Variants in COPB2 observed in about 807,000 individuals in gnomAD.
The protein encoded by COPB2 is coat protein complex I subunit beta 2, also known as coatomer subunit beta'.
In COPB2, 16 loss-of-function variants were observed where a neutral mutation model predicts 120.8. That is an observed-to-expected ratio of 0.13 (90% CI 0.09 to 0.20). COPB2 has a LOEUF of 0.20. Among genes scored for constraint, COPB2 ranks in the 10% least tolerant of loss-of-function variants. The pLI is 1.00. For synonymous variants in COPB2, 332 were observed against 366.3 expected (o/e 0.91, Z 1.07); for missense variants, 794 against 1,076.5 (o/e 0.74, Z 3.67).
intron 9 of COPB2, among the ~76,000 whole-genome samples, chr3:139,372,244 A>G (rs1941636419): frequency 6.6e-6 from 1 of 152,238 alleles, no homozygotes; most frequent in African/African-American, 2.4e-5. Context: ...TACAAAGACT[A>G]TCTTCATTTT....
At chr3:139,385,338 A>G (rs1056348583) in intron 1 of COPB2, 15 of 152,340 alleles carry the variant, frequency 9.8e-5, no homozygotes, top group South Asian at 6.2e-4. Flanking sequence ...CACCCGGCCA[A>G]TGAATTTTAA....
chr3:139,387,394 G>A (rs941287141), intron 1 of COPB2, among the ~76,000 whole-genome samples: 39 of 152,178 alleles, frequency 2.6e-4, no homozygotes, highest in Admixed American at 9.8e-4. Context: ...AGATGATTAG[G>A]ATGCTCACAC....
chr3:139,381,181 C>T (rs1341550431), intron 2 of COPB2: 1 of 152,176 alleles, frequency 6.6e-6, no homozygotes, highest in African/African-American at 2.4e-5. Context: ...AGAGGCTCAG[C>T]ATGGTTAAAA....
chr3:139,375,218 T>C (rs1325031717), intron 6 of COPB2, among the ~76,000 whole-genome samples: 1 of 152,210 alleles, frequency 6.6e-6, no homozygotes, highest in African/African-American at 2.4e-5. Context: ...TAATTCAACA[T>C]TAAAATGTTA....
At chr3:139,374,665 C>T (rs1445199345) in intron 6 of COPB2, 77 bp from the exon 7 acceptor site, 1 of 1,120,012 alleles carries the variant, frequency 8.9e-7, no homozygotes, top group Non-Finnish European at 1.3e-6. Flanking sequence ...TCTCAGTGTA[C>T]AGATACATTA....
chr3:139,376,395 T>A (rs922060080), intron 5 of COPB2, among the ~76,000 whole-genome samples: 1 of 152,224 alleles, frequency 6.6e-6, no homozygotes, highest in Non-Finnish European at 1.5e-5. Context: ...ATTTATTGAG[T>A]GCCTATTATA....
In COPB2 at chr3:139,366,740, T is replaced by C. The variant is rs1374115273; in HGVS notation, c.1712A>G (p.Asn571Ser). 6.2e-7 allele frequency: 1 copy of C among 1,614,074 alleles called. No homozygotes were observed. The highest frequency in any genetic ancestry group is 8.5e-7 in the Non-Finnish European group (1 of 1,179,964). The change falls in exon 15 of 22, where the codon AAC becomes AGC. Residue 571 changes from asparagine (N) to serine (S), a missense_variant. By Grantham distance (46) the Asn-to-Ser change is conservative. Coordinates refer to ENST00000333188, the MANE Select transcript of COPB2 (RefSeq NM_004766.3). ...TTCTTTATCCCCCAGATAAAGCCTG[T>C]TGTCTTTAGGAATGTAGCCTAGGAG... is the stretch of plus-strand genomic sequence containing the variant. Reference protein sequence around the residue: ...MYLLGYIPKDNRLYLGDKELN... With the variant: ...MYLLGYIPKDSRLYLGDKELN...
In COPB2 at chr3:139,357,960, T is replaced by C; in HGVS notation, c.2626-2A>G. 6.4e-7 allele frequency: 1 copy of C among 1,559,768 alleles called. No individual in the cohort carries two copies. The highest frequency in any genetic ancestry group is 8.8e-7 in the Non-Finnish European group (1 of 1,136,886). ...ATCTACTTCTAGTTCGAGTAAACTCTGCAGACAAAAGGAAGAGGGTAATTA... is the reference window on the plus strand; with the variant it reads ...ATCTACTTCTAGTTCGAGTAAACTCCGCAGACAAAAGGAAGAGGGTAATTA... On this transcript the variant is annotated splice_acceptor_variant, in intron 21 of 21. Coordinates refer to ENST00000333188, the MANE Select transcript of COPB2 (RefSeq NM_004766.3). LOFTEE classifies it high-confidence loss of function.
intron 10 of COPB2, among the ~76,000 whole-genome samples, chr3:139,369,961 C>T (rs1941591108): frequency 6.6e-6 from 1 of 152,190 alleles, no homozygotes; most frequent in East Asian, 1.9e-4. Flanking sequence ...AGAGTACATA[C>T]TGTATGATTC....
Position 139,371,814 on chromosome 3 carries a change from C to T in COPB2, c.1114G>A (p.Asp372Asn). 6.2e-7 allele frequency: 1 copy of T among 1,613,760 alleles called. No individual in the cohort carries two copies. ...GCTGTGTAGATGATATACTCCCCAT[C>T]ACCACACACCACCACAAACCTAGAA... ...PNGRFVVVCG[D>N]GEYIIYTAMA... is the part of the protein sequence containing the mutation. Residue 372 changes from aspartate (D) to asparagine (N), a missense_variant, in exon 10 of 22, where the codon GAT (aspartate) becomes AAT (asparagine). Transcript: ENST00000333188.
intron 2 of COPB2, 165 bp from the exon 3 acceptor site, chr3:139,379,631 T>A: frequency 1.7e-6 from 1 of 580,132 alleles, no homozygotes; most frequent in Non-Finnish European, 3.0e-6. Context: ...AAAGACCAAC[T>A]ATCTTTTAAT....
chr3:139,366,978 T>G (rs1291007752), intron 14 of COPB2, 37 bp downstream of exon 14: 1 of 1,588,762 alleles, frequency 6.3e-7, no homozygotes, highest in Non-Finnish European at 8.6e-7. Flanking sequence ...AAACACACTT[T>G]AAAATTTAGG....
At chr3:139,369,846 A>C (rs1002274917) in intron 10 of COPB2, among the ~76,000 whole-genome samples, 1 of 152,250 alleles carries the variant, frequency 6.6e-6, no homozygotes, top group Non-Finnish European at 1.5e-5. Flanking sequence ...TCGTATATTC[A>C]TATAATGGAA....
rs1005696008 is a variant in COPB2 at position 139,389,334 on chromosome 3, C to T, written c.3+214G>A. 8 of 644,016 alleles carry T rather than the reference C, an allele frequency of 1.2e-5. No homozygotes were observed. In the African/African-American group the frequency reaches 1.3e-4, roughly 11 times the overall value. 39.9% of individuals were successfully genotyped at this position (644,016 alleles called of 1,614,324 possible). ...AAGCGCCAGGGGAGACAAAACCCCT[C>T]ACTAGCAGGCTTTGCCTCCCCAAAT... On this transcript the variant is annotated intron_variant, in intron 1 of 21. Transcript: ENST00000333188.
intron 6 of COPB2, 43 bp from the exon 7 acceptor site, chr3:139,374,631 A>G (rs775534954): frequency 6.5e-7 from 1 of 1,529,616 alleles, no homozygotes; most frequent in Non-Finnish European, 9.0e-7. Flanking sequence ...AATGAAAAAC[A>G]TGTAACCAGC....
intron 5 of COPB2, 35 bp downstream of exon 5, chr3:139,378,006 A>G (rs1941746353): frequency 1.3e-6 from 2 of 1,496,036 alleles, no homozygotes; most frequent in Non-Finnish European, 1.8e-6. Context: ...TAGTTCACTA[A>G]TAATGATAAC....
chr3:139,371,442 G>A (rs1300249942), intron 10 of COPB2, among the ~76,000 whole-genome samples: 1 of 152,108 alleles, frequency 6.6e-6, no homozygotes, highest in Admixed American at 6.5e-5. Context: ...AAAGCACCAG[G>A]TCCTGCCATG....
chr3:139,374,510 T>C lies in COPB2; in HGVS notation c.730A>G (p.Ile244Val). 1 of 1,614,004 alleles carries C rather than the reference T, an allele frequency of 6.2e-7. No individual in the cohort carries two copies. The highest frequency in any genetic ancestry group is 8.5e-7 in the Non-Finnish European group (1 of 1,179,884). The change falls in exon 7 of 22, where the codon ATT (isoleucine) becomes GTT (valine). Residue 244 changes from isoleucine to valine, a missense_variant. By Grantham distance (29) the Ile-to-Val change is conservative. Transcript: ENST00000333188. ...CASFHPELPI[I>V]ITGSEDGTVR... ...TTACCATCTTCTGAACCTGTGATAA[T>C]GATTGGCAACTCAGGATGAAAGCTG...
rs756323307 is a variant in COPB2 at position 139,367,092 on chromosome 3, G to A, written c.1599C>T (p.Cys533=). 6.2e-7 allele frequency: 1 copy of A among 1,613,830 alleles called. No individual in the cohort carries two copies. The highest frequency in any genetic ancestry group is 2.2e-5 in the East Asian group (1 of 44,862). The change falls in exon 14 of 22, where the codon TGC becomes TGT. Residue 533 remains cysteine, a synonymous_variant. Coordinates refer to ENST00000333188, the MANE Select transcript of COPB2 (RefSeq NM_004766.3). The part of the protein sequence containing the change: ...IVKTGLWVGD[C]FIYTSSVNRL... ...TGTTCACAGAACTTGTGTAAATGAA[G>A]CAATCGCCTACCCAAAGCCCTGTTT...
Sources: allele counts gnomAD v4.1 joint callset (sites outside exome capture counted in the v4.1 genomes callset), GRCh38; gene constraint gnomAD v4.1.1; transcripts MANE v1.5; gene names NCBI Gene and HGNC (gene_info 2026-07-23, HGNC 2026-07-21).